Variants in BRF1 observed in about 807,000 individuals in gnomAD.
BRF1 encodes the protein BRF1 general transcription factor IIIB subunit, also known as transcription factor IIIB 90 kDa subunit.
BRF1 carries 59 observed loss-of-function variants against 81.7 expected under a neutral mutation model. The observed-to-expected ratio is 0.72, with a 90% CI of 0.59 to 0.90. The LOEUF (loss-of-function observed/expected upper bound fraction) is 0.90. BRF1 is among the 40% of genes least tolerant of loss of function. The probability of loss-of-function intolerance (pLI) is 0.00; values close to 1 mark genes in which losing one functional copy is unlikely to be tolerated. For missense variants in BRF1, 1,050 were observed against 936.3 expected, an observed-to-expected ratio of 1.12 and a Z score of -1.58; for synonymous variants, 491 against 395.6, an observed-to-expected ratio of 1.24 and a Z score of -2.86.
intron 16 of BRF1, chr14:105,211,581 C>T: frequency 2.1e-6 from 1 of 473,516 alleles, no homozygotes. Context: ...GAACACCTTT[C>T]CAGACCATAG....
At chr14:105,299,066 G>C (rs187163417) in intron 1 of BRF1, among the ~76,000 whole-genome samples, 2 of 151,792 alleles carry the variant, frequency 1.3e-5, no homozygotes, top group East Asian at 3.9e-4. Flanking sequence ...CCAGCTACTC[G>C]GGAGGCTGAG....
Position 105,211,257 on chromosome 14 carries a change from G to T in BRF1, c.1861C>A (p.Pro621Thr). The T allele has an allele frequency of 6.2e-7, 1 of 1,607,556 alleles. No individual in the cohort carries two copies. ...ACCAGCACCGCCTGGGGCCTGGCAG[G>T]CTCAGCTCCGAGGGTGGGAGAGCTT... Reference protein sequence around the residue: ...LPSSPTLGAEPARPQAVLVES... With the variant: ...LPSSPTLGAETARPQAVLVES... The change falls in exon 17 of 18, where the codon CCT (proline) becomes ACT (threonine). Residue 621 changes from proline to threonine, a missense_variant. Around this residue, in one of 2 missense-constraint regions of BRF1, gnomAD observed 1,043 missense variants for 915.4 expected, o/e 1.14. Coordinates refer to ENST00000547530, the MANE Select transcript of BRF1 (RefSeq NM_001519.4).
rs1417956882 is a variant in BRF1 at position 105,226,627 on chromosome 14, G to GC, written c.915+6dup. 16 of 1,612,802 alleles carry GC rather than the reference G, an allele frequency of 9.9e-6. No individual in the cohort carries two copies. Among genetic ancestry groups the GC allele is most frequent in the Non-Finnish European group, 1.4e-5 (16 of 1,180,024 alleles). The stretch of plus-strand genomic sequence containing the variant: ...CCAGCACAGACAGACACCAAAGCCG[G>GC]CGCTACCTGCTTCATCCGCAGCTTC... On this transcript the variant is annotated splice_region_variant and intron_variant, in intron 8 of 17. Coordinates refer to ENST00000547530, the MANE Select transcript of BRF1 (RefSeq NM_001519.4).
intron 1 of BRF1, among the ~76,000 whole-genome samples, chr14:105,287,368 G>A (rs973130023): frequency 5.9e-5 from 9 of 152,160 alleles, no homozygotes; most frequent in Admixed American, 4.6e-4. Context: ...AGAACAGTAA[G>A]GTGAGGCCCC....
chr14:105,313,187 G>A (rs1426523065), intron 1 of BRF1, among the ~76,000 whole-genome samples: 7 of 152,168 alleles, frequency 4.6e-5, no homozygotes, highest in African/African-American at 1.2e-4. Context: ...TGTGTCAGGC[G>A]GCCCATCCGT....
intron 5 of BRF1, chr14:105,247,292 A>T: frequency 1.0e-6 from 1 of 985,450 alleles, no homozygotes; most frequent in Non-Finnish European, 1.2e-6. Flanking sequence ...ACCCACCTGC[A>T]GCAGGTGATC....
chr14:105,219,911 T>A, intron 12 of BRF1, 158 bp downstream of exon 12: 1 of 671,262 alleles, frequency 1.5e-6, no homozygotes, highest in Non-Finnish European at 2.4e-6. Context: ...TGGGGGGGGG[T>A]CCCGGGAACA....
chr14:105,246,922 CTT>C (rs2055157527), intron 5 of BRF1: 22 of 985,476 alleles, frequency 2.2e-5, no homozygotes, highest in Non-Finnish European at 2.7e-5. Flanking sequence ...TCGCCCAGGT[CTT>C]GTGTGCTGCT....
intron 10 of BRF1, among the ~76,000 whole-genome samples, chr14:105,222,790 G>A (rs890812522): frequency 5.3e-5 from 8 of 151,364 alleles, no homozygotes; most frequent in Non-Finnish European, 1.2e-4. Context: ...CACCACACCC[G>A]GCTAATTTTT....
At chr14:105,214,457 CAGCTGCCCA>C (rs1195975390) in intron 15 of BRF1, among the ~76,000 whole-genome samples, 26 of 142,124 alleles carry the variant, frequency 1.8e-4, no homozygotes, top group Admixed American at 1.8e-3. Flanking sequence ...CTGCGTGGCT[CAGCTGCCCA>C]CACCCCTGCG....
At chr14:105,242,142 T>C (rs1439779806) in intron 5 of BRF1, 1 of 152,450 alleles carries the variant, frequency 6.6e-6, no homozygotes, top group Non-Finnish European at 1.5e-5. Context: ...CAGCCCCCCT[T>C]TCCAGCTGAG....
At chr14:105,242,501 C>T (rs916986395) in intron 5 of BRF1, 24 of 151,890 alleles carry the variant, frequency 1.6e-4, no homozygotes, top group African/African-American at 5.6e-4. Flanking sequence ...CTTTGGGGGC[C>T]GAGGCGGGCG....
intron 1 of BRF1, among the ~76,000 whole-genome samples, chr14:105,287,135 T>G (rs1179127788): frequency 6.6e-6 from 1 of 152,234 alleles, no homozygotes; most frequent in Non-Finnish European, 1.5e-5. Flanking sequence ...TCCGAAGCTC[T>G]GCCAACTGAC....
chr14:105,300,409 C>G (rs1374779447), intron 1 of BRF1, 37 bp downstream of exon 1: 28 of 1,492,896 alleles, frequency 1.9e-5, no homozygotes, highest in Non-Finnish European at 2.3e-5. Flanking sequence ...CTAAGCCGCA[C>G]CGAGAAATCC....
chr14:105,225,918 T>C, intron 10 of BRF1, 151 bp downstream of exon 10: 1 of 756,210 alleles, frequency 1.3e-6, no homozygotes, highest in South Asian at 1.9e-5. Context: ...AGTGCTGGGA[T>C]TACAGGCGTG....
intron 5 of BRF1, among the ~76,000 whole-genome samples, chr14:105,243,699 G>T (rs2054880136): frequency 2.0e-5 from 3 of 152,076 alleles, no homozygotes; most frequent in Non-Finnish European, 4.4e-5. Context: ...CAAAAACACT[G>T]GTAAATATAT....
chr14:105,229,232 A>G (rs908716484), intron 6 of BRF1, among the ~76,000 whole-genome samples: 2 of 152,216 alleles, frequency 1.3e-5, no homozygotes, highest in African/African-American at 2.4e-5. Flanking sequence ...ACAGCTTGTG[A>G]TGGGAGCTGG....
intron 5 of BRF1, among the ~76,000 whole-genome samples, chr14:105,244,754 T>C (rs1287556517): frequency 6.6e-6 from 1 of 151,986 alleles, no homozygotes; most frequent in Non-Finnish European, 1.5e-5. Flanking sequence ...AAAAAAAGAC[T>C]AAGGGACGAC....
intron 15 of BRF1, chr14:105,217,176 A>G (rs2141426029): frequency 2.8e-6 from 1 of 355,202 alleles, no homozygotes; most frequent in Non-Finnish European, 5.3e-6. Context: ...ACGGCAATGC[A>G]GCCAGGGTGC....
Sources: gnomAD v4.1 joint callset for allele counts (sites outside exome capture counted in the v4.1 genomes callset) on GRCh38, gnomAD v4.1.1 for gene constraint, gnomAD v4.1.1 regional missense constraint, MANE v1.5 for transcripts, NCBI Gene and HGNC (gene_info 2026-07-23, HGNC 2026-07-21) for gene names.